The following HDAC4 variants were observed in gnomAD, a reference collection of about 807,000 sequenced individuals.
HDAC4 encodes histone deacetylase A.
A neutral mutation model predicts 135.1 loss-of-function variants in HDAC4; 16 were observed. The observed-to-expected ratio is 0.12, with a 90% CI of 0.08 to 0.18. The LOEUF (loss-of-function observed/expected upper bound fraction) is 0.18, where lower values mean the gene tolerates loss of function less well. HDAC4 is among the 10% of genes least tolerant of loss of function. The pLI is 1.00. For synonymous variants in HDAC4, 685 were observed against 653.4 expected, an observed-to-expected ratio of 1.05 and a Z score of -0.74; for missense variants, 1,143 against 1,511.8, an observed-to-expected ratio of 0.76 and a Z score of 4.05.
intron 2 of HDAC4, among the ~76,000 whole-genome samples, chr2:239,278,219 T>C (rs1164108578): frequency 6.7e-6 from 1 of 149,884 alleles, no homozygotes; most frequent in Non-Finnish European, 1.5e-5. Context: ...TAACAAAGCA[T>C]CAAGCCAAGT....
chr2:239,120,409 A>G lies in HDAC4; in HGVS notation c.1534-5099T>C, dbSNP rs202029534. Among the ~76,000 whole-genome samples the G allele has an allele frequency of 4.6e-3, 605 of 130,868 alleles. 3 individuals carry two copies. Among genetic ancestry groups the G allele is most frequent in the East Asian group, 0.026 (111 of 4,342 alleles). The allele number at this position is 130,868 out of a possible 152,430, so 85.9% of individuals were successfully genotyped here. ...CACACACAGACGCACACAGACACAC[A>G]CACACAGACACAGACAGATGCACAA... is the stretch of plus-strand genomic sequence containing the variant. On this transcript the variant is annotated intron_variant, in intron 12 of 26. Coordinates refer to ENST00000543185, the MANE Select transcript of HDAC4 (RefSeq NM_001378414.1).
chr2:239,193,304 T>G (rs2153052443), intron 3 of HDAC4, among the ~76,000 whole-genome samples: 1 of 152,402 alleles, frequency 6.6e-6, no homozygotes, highest in South Asian at 2.1e-4. Context: ...CGTCTGGTGT[T>G]AATCTCTTTA....
intron 16 of HDAC4, among the ~76,000 whole-genome samples, chr2:239,099,515 G>C (rs1233924876): frequency 1.3e-5 from 2 of 152,214 alleles, no homozygotes; most frequent in Non-Finnish European, 2.9e-5. Flanking sequence ...GTGTTACATG[G>C]GGAGGCAGTG....
intron 2 of HDAC4, among the ~76,000 whole-genome samples, chr2:239,327,302 A>G (rs2053499673): frequency 6.6e-6 from 1 of 152,138 alleles, no homozygotes; most frequent in African/African-American, 2.4e-5. Flanking sequence ...TGAATAAGGC[A>G]AGCCGGGGCC....
At chr2:239,297,411 C>T (rs1466582511) in intron 2 of HDAC4, among the ~76,000 whole-genome samples, 4 of 152,238 alleles carry the variant, frequency 2.6e-5, no homozygotes, top group Non-Finnish European at 4.4e-5. Flanking sequence ...AGATGGGACC[C>T]AGAGCTTTGC....
chr2:239,087,588 A>T lies in HDAC4; in HGVS notation c.2415T>A (p.Pro805=), dbSNP rs2036102647. 6.2e-7 allele frequency: 1 copy of T among 1,613,886 alleles called. No homozygotes were observed. Among genetic ancestry groups the T allele is most frequent in the South Asian group, 1.1e-5 (1 of 91,002 alleles). Residue 805 remains proline, a synonymous_variant, in exon 19 of 27, where the codon CCT becomes CCA. Coordinates refer to ENST00000543185, the MANE Select transcript of HDAC4 (RefSeq NM_001378414.1). The part of the protein sequence containing the change: ...LKNGFAVVRP[P]GHHAEESTPM... ...GCGTGCTCTCCTCCGCATGGTGTCC[A>T]GGGGGGCGGACCACAGCAAAGCCAT...
chr2:239,198,441 C>T (rs1457836430), intron 3 of HDAC4, among the ~76,000 whole-genome samples: 1 of 152,146 alleles, frequency 6.6e-6, no homozygotes, highest in Non-Finnish European at 1.5e-5. Context: ...GAGAGCTGGG[C>T]CTTCAGTGTA....
chr2:239,375,397 G>A (rs868579509), intron 1 of HDAC4, among the ~76,000 whole-genome samples: 2 of 132,632 alleles, frequency 1.5e-5, no homozygotes, highest in Non-Finnish European at 3.1e-5. Context: ...TGTCCTCACC[G>A]GGCCAGCGAG....
chr2:239,087,486 C>T (rs1266701175), intron 19 of HDAC4, 73 bp downstream of exon 19: 4 of 1,448,018 alleles, frequency 2.8e-6, no homozygotes, highest in Non-Finnish European at 3.8e-6. Context: ...GTCACTCACA[C>T]ACCCACCCAG....
intron 6 of HDAC4, among the ~76,000 whole-genome samples, chr2:239,163,338 C>T (rs2042927792): frequency 6.6e-6 from 1 of 152,190 alleles, no homozygotes; most frequent in Admixed American, 6.5e-5. Flanking sequence ...AAAAATGGCA[C>T]AACATTACCA....
chr2:239,154,454 A>G (rs540967485), intron 7 of HDAC4, among the ~76,000 whole-genome samples: 2 of 152,176 alleles, frequency 1.3e-5, no homozygotes, highest in South Asian at 4.2e-4. Flanking sequence ...TATTACATGA[A>G]TGAGCACACA....
intron 2 of HDAC4, among the ~76,000 whole-genome samples, chr2:239,257,743 C>T (rs2049128443): frequency 6.6e-6 from 1 of 151,850 alleles, no homozygotes. Context: ...AGGATGATGT[C>T]ATCATCCTAG....
chr2:239,237,237 T>A (rs796601356), intron 2 of HDAC4, among the ~76,000 whole-genome samples: 7 of 152,224 alleles, frequency 4.6e-5, no homozygotes, highest in African/African-American at 1.7e-4. Context: ...GCGGTTTCCA[T>A]CTATTCAGAC....
chr2:239,114,425 G>T lies in HDAC4; in HGVS notation c.1791+628C>A, dbSNP rs138201289. Among the ~76,000 whole-genome samples the T allele has an allele frequency of 7.9e-3, 1,203 of 152,316 alleles. 13 individuals are homozygous for T. Among genetic ancestry groups the T allele is most frequent in the African/African-American group, 0.028 (1,151 of 41,564 alleles). On this transcript the variant is annotated intron_variant, in intron 13 of 26. Coordinates refer to ENST00000543185, the MANE Select transcript of HDAC4 (RefSeq NM_001378414.1). ...CTGAGGGCACTCTAGCTGCAGATACGGGGCTCCAGCTGGCTGCCCAAATGC... is the reference window on the plus strand; with the variant it reads ...CTGAGGGCACTCTAGCTGCAGATACTGGGCTCCAGCTGGCTGCCCAAATGC...
intron 2 of HDAC4, among the ~76,000 whole-genome samples, chr2:239,341,445 G>C (rs1692293482): frequency 1.3e-5 from 2 of 152,226 alleles, no homozygotes; most frequent in African/African-American, 4.8e-5. Context: ...TGAAAACAAA[G>C]AGTGTCAAGA....
At chr2:239,080,972 C>A in intron 22 of HDAC4, 123 bp downstream of exon 22, 3 of 708,020 alleles carry the variant, frequency 4.2e-6, no homozygotes, top group Non-Finnish European at 7.3e-6. Context: ...TCCTCCGGAC[C>A]CCACAGCCCC....
rs142391243 is a variant in HDAC4, at chr2:239,119,478, T to C, written c.1534-4168A>G. On this transcript the variant is annotated intron_variant, in intron 12 of 26. Transcript: ENST00000543185. Reference sequence around the variant, plus strand: ...GGGGACAGGAGCTCAGGGCTAAGGGTGCGGGGACCAGAGCTCAGGGCTGAG... The same window carrying C: ...GGGGACAGGAGCTCAGGGCTAAGGGCGCGGGGACCAGAGCTCAGGGCTGAG... Among the ~76,000 whole-genome samples the C allele has an allele frequency of 3.9e-3, 581 of 150,336 alleles. 2 individuals are homozygous for C. Among genetic ancestry groups the C allele is most frequent in the African/African-American group, 0.014 (564 of 40,776 alleles).
In HDAC4 at chr2:239,308,456, G is replaced by A. The variant is rs1232860746; in HGVS notation, c.22+44222C>T. Among the ~76,000 whole-genome samples the A allele has an allele frequency of 6.6e-6, 1 of 152,204 alleles. No individual in the cohort carries two copies. The highest frequency in any genetic ancestry group is 1.5e-5 in the Non-Finnish European group (1 of 68,034). On this transcript the variant is annotated intron_variant, in intron 2 of 26. Coordinates refer to ENST00000543185, the MANE Select transcript of HDAC4 (RefSeq NM_001378414.1). The surrounding 1 kb of genome is among the most constrained non-coding windows in gnomAD (Gnocchi z 4.2). ...GTTTTCAGAGAGTCTTCTTAGCAAA[G>A]TGAGGAATCTGCAGATCTCTCTGAA...
intron 4 of HDAC4, among the ~76,000 whole-genome samples, chr2:239,185,195 C>A (rs1191690398): frequency 6.6e-6 from 1 of 151,812 alleles, no homozygotes; most frequent in African/African-American, 2.4e-5. Context: ...AGAGGTGCAC[C>A]CCATGGGGTG....
Sources: gnomAD v4.1 joint callset for allele counts (sites outside exome capture counted in the v4.1 genomes callset) on GRCh38, gnomAD v4.1.1 for gene constraint, Gnocchi (gnomAD v3.1) non-coding constraint, MANE v1.5 for transcripts, NCBI Gene and HGNC (gene_info 2026-07-23, HGNC 2026-07-21) for gene names.